LDB2: variants seen among roughly 807,000 people sequenced by gnomAD.
LDB2 encodes LIM domain-binding protein 2.
A neutral mutation model predicts 44.3 loss-of-function variants in LDB2; 12 were observed. The observed-to-expected ratio is 0.27, with a 90% CI of 0.17 to 0.44. LDB2 has a LOEUF of 0.44. Ranked by LOEUF, LDB2 falls within the 20% of genes least tolerant of loss-of-function variation. The pLI, the probability that LDB2 is intolerant of heterozygous loss-of-function variation, is 1.00. For synonymous variants in LDB2, 164 were observed against 174.8 expected (o/e 0.94, Z 0.49); for missense variants, 344 against 473.5 (o/e 0.73, Z 2.54).
chr4:16,898,593 A>G lies in LDB2; in HGVS notation c.-108T>C, dbSNP rs1369041927. ...AAAGTAGACGCACGCACACACGCTCACACACACACAGAGGCAGGCAGGCAG... is the reference window on the plus strand; with the variant it reads ...AAAGTAGACGCACGCACACACGCTCGCACACACACAGAGGCAGGCAGGCAG... On this transcript the variant is annotated 5_prime_UTR_variant, in exon 1 of 8. Coordinates refer to ENST00000304523, the MANE Select transcript of LDB2 (RefSeq NM_001290.5). 3.9e-6 allele frequency: 4 copies of G among 1,015,550 alleles called. No individual in the cohort carries two copies. The African/African-American group carries it at 6.5e-5, about 16-fold the overall frequency. 62.9% of individuals were successfully genotyped at this position (1,015,550 alleles called of 1,614,324 possible). A position where few individuals can be genotyped will look rare whatever the true frequency, so the allele number is the denominator to read the frequency against.
chr4:16,523,224 A>G (rs748337857), intron 5 of LDB2, among the ~76,000 whole-genome samples: 4 of 152,218 alleles, frequency 2.6e-5, no homozygotes, highest in Non-Finnish European at 5.9e-5. Context: ...GAAGCTGTCA[A>G]TAGTACCAAA....
At chr4:16,537,102 G>A (rs952619428) in intron 5 of LDB2, among the ~76,000 whole-genome samples, 1 of 152,184 alleles carries the variant, frequency 6.6e-6, no homozygotes, top group South Asian at 2.1e-4. Context: ...TTTTGTGAAA[G>A]AGGGACTTCC....
intron 1 of LDB2, among the ~76,000 whole-genome samples, chr4:16,788,295 AG>A (rs1425605565): frequency 1.1e-4 from 16 of 152,210 alleles, no homozygotes; most frequent in Admixed American, 3.9e-4. Context: ...CCGGATGCCA[AG>A]GGGTGGCTCA....
At chr4:16,694,300 C>T (rs1263036953) in intron 2 of LDB2, among the ~76,000 whole-genome samples, 1 of 152,192 alleles carries the variant, frequency 6.6e-6, no homozygotes, top group Non-Finnish European at 1.5e-5. Context: ...ACACTTTCCA[C>T]CAATTTGGAG....
intron 5 of LDB2, 47 bp from the exon 6 acceptor site, chr4:16,512,151 A>G (rs1393508576): frequency 1.3e-5 from 19 of 1,484,446 alleles, no homozygotes; most frequent in Non-Finnish European, 1.7e-5. Flanking sequence ...TCATAACACT[A>G]ATTACAATAA....
At chr4:16,786,063 G>A (rs1408022768) in intron 1 of LDB2, among the ~76,000 whole-genome samples, 1 of 152,132 alleles carries the variant, frequency 6.6e-6, no homozygotes, top group African/African-American at 2.4e-5. Flanking sequence ...CTAAAAGGGA[G>A]CTCTGATTTC....
intron 5 of LDB2, 105 bp from the exon 6 acceptor site, chr4:16,512,209 AT>A: frequency 1.8e-6 from 2 of 1,093,568 alleles, no homozygotes; most frequent in Non-Finnish European, 2.5e-6. Flanking sequence ...GAATACTTTT[AT>A]TTTCCTGGTT....
intron 2 of LDB2, among the ~76,000 whole-genome samples, chr4:16,629,804 T>C (rs983157844): frequency 1.3e-5 from 2 of 151,886 alleles, no homozygotes; most frequent in African/African-American, 4.8e-5. Context: ...CAAGCTTCAA[T>C]AGCCGATTCA....
intron 5 of LDB2, among the ~76,000 whole-genome samples, chr4:16,559,548 G>A (rs1175203512): frequency 6.6e-6 from 1 of 152,162 alleles, no homozygotes; most frequent in Non-Finnish European, 1.5e-5. Context: ...CAATACAGGA[G>A]CACCCAGATT....
chr4:16,823,869 A>T (rs944003170), intron 1 of LDB2, among the ~76,000 whole-genome samples: 1 of 152,264 alleles, frequency 6.6e-6, no homozygotes, highest in African/African-American at 2.4e-5. Context: ...GATCACTTAA[A>T]AGTAATGTTT....
At chr4:16,623,671 A>T (rs533539893) in intron 2 of LDB2, among the ~76,000 whole-genome samples, 8 of 152,312 alleles carry the variant, frequency 5.3e-5, no homozygotes, top group African/African-American at 1.9e-4. Context: ...ATACTTGAAG[A>T]TACTTGAATA....
intron 2 of LDB2, among the ~76,000 whole-genome samples, chr4:16,606,142 C>T (rs765720644): frequency 6.6e-6 from 1 of 152,100 alleles, no homozygotes. Context: ...TGTTTATTTA[C>T]ACAAAGTTAT....
At chr4:16,649,494 G>C (rs995928726) in intron 2 of LDB2, among the ~76,000 whole-genome samples, 4 of 152,130 alleles carry the variant, frequency 2.6e-5, no homozygotes, top group Non-Finnish European at 5.9e-5. Context: ...TTCTACATTT[G>C]AGTAGATTAA....
intron 2 of LDB2, among the ~76,000 whole-genome samples, chr4:16,757,764 T>C (rs1210051807): frequency 6.6e-6 from 1 of 152,098 alleles, no homozygotes; most frequent in East Asian, 1.9e-4. Flanking sequence ...CTGAAACACC[T>C]CTTTAGGGCA....
At chr4:16,695,301 T>C (rs1201113102) in intron 2 of LDB2, among the ~76,000 whole-genome samples, 1 of 151,920 alleles carries the variant, frequency 6.6e-6, no homozygotes, top group Admixed American at 6.6e-5. Flanking sequence ...CTTTGGGCGG[T>C]GGGCGGATCA....
intron 2 of LDB2, among the ~76,000 whole-genome samples, chr4:16,659,855 C>G (rs577101540): frequency 6.6e-6 from 1 of 152,068 alleles, no homozygotes; most frequent in Non-Finnish European, 1.5e-5. Flanking sequence ...TGATAAATCT[C>G]TCGCTTTGTG....
chr4:16,651,563 T>C (rs1228605865), intron 2 of LDB2, among the ~76,000 whole-genome samples: 1 of 147,642 alleles, frequency 6.8e-6, no homozygotes, highest in Non-Finnish European at 1.5e-5. Context: ...GTTGATTTTC[T>C]TGGACCCTGG....
At chr4:16,880,188 C>T (rs1196418777) in intron 1 of LDB2, among the ~76,000 whole-genome samples, 2 of 152,132 alleles carry the variant, frequency 1.3e-5, no homozygotes, top group Non-Finnish European at 2.9e-5. Flanking sequence ...GAGAATTTAG[C>T]ACCATCTTAA....
intron 2 of LDB2, among the ~76,000 whole-genome samples, chr4:16,675,255 T>G (rs1017672499): frequency 6.6e-6 from 1 of 152,212 alleles, no homozygotes; most frequent in Non-Finnish European, 1.5e-5. Flanking sequence ...CTGACTTAAT[T>G]CAGATTTCAC....
Sources: gnomAD v4.1 joint callset for allele counts (sites outside exome capture counted in the v4.1 genomes callset) on GRCh38, gnomAD v4.1.1 for gene constraint, MANE v1.5 for transcripts, NCBI Gene and HGNC (gene_info 2026-07-23, HGNC 2026-07-21) for gene names.